CPEB3: variants seen among roughly 807,000 people sequenced by gnomAD.
CPEB3 encodes the protein cytoplasmic polyadenylation element-binding protein 3.
Under a neutral mutation model 67.2 loss-of-function variants are expected in CPEB3, and 20 were observed. The ratio of observed to expected loss-of-function variants is 0.30; its 90% CI spans 0.21 to 0.43. The LOEUF (loss-of-function observed/expected upper bound fraction) is 0.43, where lower values mean the gene tolerates loss of function less well. CPEB3 is among the 20% of genes least tolerant of loss of function. The pLI is 1.00. For missense variants in CPEB3, 746 were observed against 968.6 expected (o/e 0.77, Z 3.05); for synonymous variants, 376 against 393.1 (o/e 0.96, Z 0.51).
chr10:92,172,421 C>A (rs1050582717), intron 4 of CPEB3, among the ~76,000 whole-genome samples: 1 of 152,144 alleles, frequency 6.6e-6, no homozygotes, highest in East Asian at 1.9e-4. Context: ...GAAAGTAACA[C>A]TGAACATGTG....
chr10:92,251,556 C>T (rs557705986), intron 1 of CPEB3, among the ~76,000 whole-genome samples: 1 of 151,972 alleles, frequency 6.6e-6, no homozygotes, highest in Admixed American at 6.6e-5. Context: ...AATGAAAAGA[C>T]GAAGCAGTAA....
intron 6 of CPEB3, among the ~76,000 whole-genome samples, chr10:92,139,798 G>A (rs2133803560): frequency 6.6e-6 from 1 of 152,244 alleles, no homozygotes; most frequent in South Asian, 2.1e-4. Context: ...ATCTCAGCTG[G>A]GCATGGTGGC....
At chr10:92,185,453 C>T (rs551106311) in intron 3 of CPEB3, among the ~76,000 whole-genome samples, 20 of 152,128 alleles carry the variant, frequency 1.3e-4, no homozygotes, top group African/African-American at 4.8e-4. Context: ...GCTCAATTCA[C>T]ATTCATATTT....
intron 4 of CPEB3, among the ~76,000 whole-genome samples, chr10:92,163,532 A>G (rs1187735816): frequency 6.6e-6 from 1 of 152,146 alleles, no homozygotes; most frequent in Non-Finnish European, 1.5e-5. Context: ...TCAAACATCT[A>G]ATGTTCCCTT....
At chr10:92,181,530 G>A (rs1848462599) in intron 3 of CPEB3, among the ~76,000 whole-genome samples, 1 of 152,046 alleles carries the variant, frequency 6.6e-6, no homozygotes, top group Non-Finnish European at 1.5e-5. Flanking sequence ...CAGAATGGGG[G>A]AAAATGATTG....
chr10:92,227,754 G>A (rs1590451133), intron 2 of CPEB3, among the ~76,000 whole-genome samples: 1 of 151,960 alleles, frequency 6.6e-6, no homozygotes, highest in East Asian at 1.9e-4. Context: ...ACCTCGCCCG[G>A]CTAATTTTTT....
At position 92,169,265 on chromosome 10, in the gene CPEB3, A is replaced by G. The variant is rs551053854; in HGVS notation, c.1222+11698T>C. Among the ~76,000 whole-genome samples the G allele has an allele frequency of 1.8e-3, 273 of 150,186 alleles. 1 individual carries two copies. Among genetic ancestry groups the G allele is most frequent in the African/African-American group, 6.5e-3 (266 of 40,790 alleles). On this transcript the variant is annotated intron_variant, in intron 4 of 9. Transcript: ENST00000265997. ...GCGATTCTCCTGTCTTGGCCTCCCA[A>G]GTAGCTGGGATTACAGATGCCTGCC...
At chr10:92,213,067 G>A (rs945963666) in intron 2 of CPEB3, among the ~76,000 whole-genome samples, 3 of 152,162 alleles carry the variant, frequency 2.0e-5, no homozygotes, top group South Asian at 2.1e-4. Context: ...CCTGCATTCC[G>A]AAGTTTCAGC....
intron 6 of CPEB3, among the ~76,000 whole-genome samples, chr10:92,142,084 C>T (rs1047151088): frequency 2.7e-5 from 4 of 147,686 alleles, no homozygotes; most frequent in African/African-American, 9.9e-5. Context: ...TCTATATTAA[C>T]TTATTTTTGT....
chr10:92,268,191 G>A (rs1256925886), intron 1 of CPEB3, among the ~76,000 whole-genome samples: 2 of 152,194 alleles, frequency 1.3e-5, no homozygotes, highest in East Asian at 1.9e-4. Context: ...TGACATGTTT[G>A]ATTTATAGAT....
chr10:92,057,635 G>A (rs1842163342), intron 9 of CPEB3, among the ~76,000 whole-genome samples: 1 of 152,230 alleles, frequency 6.6e-6, no homozygotes, highest in Non-Finnish European at 1.5e-5. Flanking sequence ...GTTATGGCAG[G>A]TCTTAGGCAA....
At chr10:92,223,956 C>A (rs1850837437) in intron 2 of CPEB3, among the ~76,000 whole-genome samples, 1 of 152,070 alleles carries the variant, frequency 6.6e-6, no homozygotes, top group Admixed American at 6.6e-5. Context: ...ACCATGTTGG[C>A]TAGGTTGGTC....
chr10:92,168,179 A>G (rs1847833600), intron 4 of CPEB3, among the ~76,000 whole-genome samples: 1 of 152,220 alleles, frequency 6.6e-6, no homozygotes, highest in African/African-American at 2.4e-5. Flanking sequence ...ATTGGTCAGA[A>G]AATTTAGTTG....
chr10:92,078,822 G>A (rs1441211559), intron 9 of CPEB3, among the ~76,000 whole-genome samples: 2 of 152,142 alleles, frequency 1.3e-5, no homozygotes, highest in African/African-American at 4.8e-5. Context: ...CAGTAGCTGT[G>A]AGAATAGCGG....
intron 1 of CPEB3, chr10:92,243,395 T>G (rs1394618744): frequency 6.6e-6 from 1 of 152,100 alleles, no homozygotes; most frequent in Non-Finnish European, 1.5e-5. Context: ...AAATACAGAT[T>G]CTGAGGGGAA....
At chr10:92,272,080 A>C (rs1177499017) in intron 1 of CPEB3, 1 of 152,198 alleles carries the variant, frequency 6.6e-6, no homozygotes, top group Non-Finnish European at 1.5e-5. Flanking sequence ...GTTGTTCAAA[A>C]TATCTGACTT....
intron 3 of CPEB3, among the ~76,000 whole-genome samples, chr10:92,190,659 C>A: frequency 1.2e-5 from 1 of 80,916 alleles, no homozygotes; most frequent in East Asian, 4.1e-4. Context: ...GAGCGAAACT[C>A]CATCTCAAAA....
At chr10:92,245,062 C>G (rs1852002034) in intron 1 of CPEB3, among the ~76,000 whole-genome samples, 1 of 151,618 alleles carries the variant, frequency 6.6e-6, no homozygotes, top group Non-Finnish European at 1.5e-5. Flanking sequence ...CCAGAAACCA[C>G]TGATTTGCAG....
chr10:92,184,777 T>C (rs1848614104), intron 3 of CPEB3, among the ~76,000 whole-genome samples: 1 of 152,188 alleles, frequency 6.6e-6, no homozygotes, highest in Admixed American at 6.5e-5. Context: ...AATTTTTAGA[T>C]TATAAAATGC....
Sources: allele counts gnomAD v4.1 joint callset (sites outside exome capture counted in the v4.1 genomes callset), GRCh38; gene constraint gnomAD v4.1.1; transcripts MANE v1.5; gene names NCBI Gene and HGNC (gene_info 2026-07-23, HGNC 2026-07-21).